H1-8: variants seen among roughly 807,000 people sequenced by gnomAD.
The protein encoded by H1-8 is H1.8 linker histone.
H1-8 carries 13 observed loss-of-function variants against 19.5 expected under a neutral mutation model. The ratio of observed to expected loss-of-function variants is 0.67; its 90% CI spans 0.43 to 1.06. The LOEUF (loss-of-function observed/expected upper bound fraction) is 1.06, where lower values mean the gene tolerates loss of function less well. Ranked by LOEUF, H1-8 falls within the 50% of genes least tolerant of loss-of-function variation. The probability of loss-of-function intolerance (pLI) is 0.00; values close to 1 mark genes in which losing one functional copy is unlikely to be tolerated. For synonymous variants in H1-8, 193 were observed against 187.6 expected (o/e 1.03, Z -0.24); for missense variants, 432 against 459.8 (o/e 0.94, Z 0.55).
chr3:129,544,070 T>A (rs1041486790), intron 1 of H1-8, among the ~76,000 whole-genome samples: 1 of 151,896 alleles, frequency 6.6e-6, no homozygotes, highest in African/African-American at 2.4e-5. Flanking sequence ...CCAAGGTGCA[T>A]TTTGAGCCTT....
At chr3:129,543,805 C>G (rs1202137698) in intron 1 of H1-8, among the ~76,000 whole-genome samples, 1 of 152,228 alleles carries the variant, frequency 6.6e-6, no homozygotes, top group East Asian at 1.9e-4. Context: ...GAAGCCTGGC[C>G]CATGGCTTGT....
In H1-8 at chr3:129,551,284, G is replaced by A. The variant is rs772425132; in HGVS notation, c.985G>A (p.Gly329Arg). ...TEAPKGPRKAGLPIKASSSKV... is the reference protein window; with the variant it reads ...TEAPKGPRKARLPIKASSSKV... ...GGCCCCCAAGGGCCCTAGAAAGGCT[G>A]GGCTGCCCATCAAGGCCTCATCATC... The change falls in exon 5 of 5, where the codon GGG becomes AGG. Residue 329 changes from glycine (G) to arginine (R), a missense_variant. Gly to Arg is a moderately radical substitution (Grantham distance 125). Transcript: ENST00000324382. 13 of 1,614,076 alleles carry A rather than the reference G, an allele frequency of 8.1e-6. No individual in the cohort carries two copies. In the South Asian group the frequency reaches 9.9e-5, roughly 12 times the overall value.
intron 1 of H1-8, 76 bp from the exon 2 acceptor site, chr3:129,547,315 A>AC (rs973459678): frequency 9.2e-6 from 13 of 1,407,046 alleles, no homozygotes; most frequent in African/African-American, 5.8e-5. Context: ...ACCCTCACCC[A>AC]CCCCCCACGG....
chr3:129,551,087 C>A lies in H1-8; in HGVS notation c.808-20C>A. 6.2e-7 allele frequency: 1 copy of A among 1,601,558 alleles called. No homozygotes were observed. The highest frequency in any genetic ancestry group is 1.1e-5 in the South Asian group (1 of 89,854). On this transcript the variant is annotated intron_variant, in intron 4 of 4. Transcript: ENST00000324382. The stretch of plus-strand genomic sequence containing the variant: ...AGCCCTTCCCAGCTGTCTCTTTGCT[C>A]CTGGTTTGCTTTCGTATAGGTCAAG...
chr3:129,549,469 A>G, intron 3 of H1-8, 105 bp downstream of exon 3: 2 of 1,320,944 alleles, frequency 1.5e-6, no homozygotes, highest in Non-Finnish European at 1.0e-6. Context: ...TATCTAGTGC[A>G]TGTGTCCTGA....
At position 129,549,220 on chromosome 3, in the gene H1-8, C is replaced by A. The variant is rs980092042; in HGVS notation, c.598C>A (p.Gln200Lys). 6.3e-7 allele frequency: 1 copy of A among 1,576,576 alleles called. No individual in the cohort carries two copies. The highest frequency in any genetic ancestry group is 1.9e-5 in the Admixed American group (1 of 52,156). Reference sequence around the variant, plus strand: ...CGCAGCCACAGAGAAGGCTCGCAAGCAAGGCGGCGCGGCCAAGGACACCAG... The same window carrying A: ...CGCAGCCACAGAGAAGGCTCGCAAGAAAGGCGGCGCGGCCAAGGACACCAG... Reference protein sequence around the residue: ...PGAATEKARKQGGAAKDTRAQ... With the variant: ...PGAATEKARKKGGAAKDTRAQ... Residue 200 changes from glutamine (Q) to lysine (K), a missense_variant, in exon 3 of 5, where the codon CAA becomes AAA. Gln to Lys is a moderately conservative substitution (Grantham distance 53, BLOSUM62 1). Transcript: ENST00000324382.
In H1-8 at chr3:129,550,802, C is replaced by A. The variant is rs1200693217; in HGVS notation, c.800C>A (p.Ala267Asp). ...GAGAGTAAGAGTTCAAAACCCACGG[C>A]CAGCAAGGTAGGTGCCTGCATGAAT... Reference protein sequence around the residue: ...KAESKSSKPTASKVKNGAASP... With the variant: ...KAESKSSKPTDSKVKNGAASP... The change falls in exon 4 of 5, where the codon GCC (alanine) becomes GAC (aspartate). Residue 267 changes from alanine (A) to aspartate (D), a missense_variant. Ala to Asp is a moderately radical substitution (Grantham distance 126). Transcript: ENST00000324382. 1.9e-6 allele frequency: 3 copies of A among 1,613,140 alleles called. No homozygotes were observed. Among genetic ancestry groups the A allele is most frequent in the Non-Finnish European group, 2.5e-6 (3 of 1,179,442 alleles).
rs748255843 is a variant in H1-8 at position 129,549,255 on chromosome 3, G to A, written c.633G>A (p.Ser211=). The A allele has an allele frequency of 1.3e-5, 21 of 1,591,508 alleles. No individual in the cohort carries two copies. The South Asian group carries it at 1.4e-4, about 10-fold the overall frequency. ...GGAAKDTRAQ[S]GEARKVPPKP... is the part of the protein sequence containing the mutation. ...CGGCCAAGGACACCAGGGCACAGTC[G>A]GGAGAGGCTAGGAAGGTGCCCCCCA... is the stretch of plus-strand genomic sequence containing the variant. The change falls in exon 3 of 5, where the codon TCG becomes TCA. Residue 211 remains serine, a synonymous_variant. Transcript: ENST00000324382.
In H1-8 at chr3:129,547,394, C is replaced by G. The variant is rs1310922903; in HGVS notation, c.92C>G (p.Pro31Arg). Residue 31 changes from proline to arginine, a missense_variant, in exon 2 of 5, where the codon CCG (proline) becomes CGG (arginine). Pro to Arg is a moderately radical substitution (Grantham distance 103). Transcript: ENST00000324382. ...ATGGCCTGCCATCTCTCCTCAGGCC[C>G]GAGCCACGGCGGTGTCCCACCAGGA... ...SRSPESEKPGPSHGGVPPGGP... is the reference protein window; with the variant it reads ...SRSPESEKPGRSHGGVPPGGP... 1 of 1,497,060 alleles carries G rather than the reference C, an allele frequency of 6.7e-7. No homozygotes were observed. The highest frequency in any genetic ancestry group is 8.9e-7 in the Non-Finnish European group (1 of 1,128,182). The allele number at this position is 1,497,060 out of a possible 1,614,324, so 92.7% of individuals were successfully genotyped here. A position where few individuals can be genotyped will look rare whatever the true frequency, so the allele number is the denominator to read the frequency against.
chr3:129,548,531 A>G (rs901375428), intron 2 of H1-8: 110 of 986,374 alleles, frequency 1.1e-4, no homozygotes, highest in Non-Finnish European at 1.3e-4. Context: ...CAGGAAAGAA[A>G]CAGCTTGCCA....
rs575993115 is a variant in H1-8, at chr3:129,546,732, C to T, written c.89-659C>T. ...CCTTTAGTCCATAGGGTGCCCCTCC[C>T]ACTTTTTCTTTCCCCCCTTATTTGT... On this transcript the variant is annotated intron_variant, in intron 1 of 4. Coordinates refer to ENST00000324382, the MANE Select transcript of H1-8 (RefSeq NM_153833.3). Among the ~76,000 whole-genome samples, 76 of 152,282 alleles carry T rather than the reference C, an allele frequency of 5.0e-4. No homozygotes were observed. The South Asian group carries it at 0.015, about 30-fold the overall frequency.
chr3:129,550,883 G>T, intron 4 of H1-8, 74 bp downstream of exon 4: 2 of 1,349,832 alleles, frequency 1.5e-6, no homozygotes, highest in Non-Finnish European at 1.0e-6. Context: ...CCCACACTCA[G>T]CCCCCGGAAG....
intron 3 of H1-8, among the ~76,000 whole-genome samples, chr3:129,549,717 G>A (rs926632247): frequency 1.3e-5 from 2 of 152,026 alleles, no homozygotes. Context: ...ACTTTGGGAG[G>A]CCAAGGCGGG....
At position 129,550,782 on chromosome 3, in the gene H1-8, T is replaced by TA; in HGVS notation, c.782dup (p.Ser262GlufsTer29). The TA allele has an allele frequency of 2.5e-6, 4 of 1,613,714 alleles. No homozygotes were observed. The highest frequency in any genetic ancestry group is 3.4e-6 in the Non-Finnish European group (4 of 1,179,874). On this transcript the variant is annotated frameshift_variant, in exon 4 of 5. Coordinates refer to ENST00000324382, the MANE Select transcript of H1-8 (RefSeq NM_153833.3). LOFTEE classifies it low-confidence loss of function (END_TRUNC). ...CCTACAGGAAAACCAAAGCTGAGAG[T>TA]AAGAGTTCAAAACCCACGGCCAGCA...
intron 2 of H1-8, 85 bp from the exon 3 acceptor site, chr3:129,548,916 G>A: frequency 6.7e-7 from 1 of 1,501,010 alleles, no homozygotes. Context: ...TTGGAACGAG[G>A]CCTCCCATTC....
chr3:129,545,913 T>C (rs2084882990), intron 1 of H1-8, among the ~76,000 whole-genome samples: 1 of 152,158 alleles, frequency 6.6e-6, no homozygotes, highest in Middle Eastern at 3.2e-3. Flanking sequence ...TACATTTTTG[T>C]GTGGACATGC....
Position 129,547,577 on chromosome 3 carries a change from G to C in H1-8, c.275G>C (p.Arg92Pro). 1.0e-5 allele frequency: 16 copies of C among 1,565,074 alleles called. No homozygotes were observed. The highest frequency in any genetic ancestry group is 1.4e-5 in the Non-Finnish European group (16 of 1,155,018). The stretch of plus-strand genomic sequence containing the variant: ...AAGTACCCAACAGTGGACGTCCTCC[G>C]CTTCAAGTACCTGCTGAAGCAGGCG... ...LHKYPTVDVL[R>P]FKYLLKQALA... The change falls in exon 2 of 5, where the codon CGC (arginine) becomes CCC (proline). Residue 92 changes from arginine to proline, a missense_variant. Physicochemically the swap from Arg to Pro is moderately radical, Grantham distance 103. Transcript: ENST00000324382.
chr3:129,544,297 A>G (rs1872111), intron 1 of H1-8, among the ~76,000 whole-genome samples: 17,513 of 151,964 alleles, frequency 0.12, 1,128 homozygotes, highest in African/African-American at 0.16. Flanking sequence ...TATCTTGAAC[A>G]GGGAGCCATG....
At position 129,551,176 on chromosome 3, in the gene H1-8, C is replaced by T; in HGVS notation, c.877C>T (p.Gln293Ter). 1 of 1,614,248 alleles carries T rather than the reference C, an allele frequency of 6.2e-7. No homozygotes were observed. Among genetic ancestry groups the T allele is most frequent in the Non-Finnish European group, 8.5e-7 (1 of 1,180,048 alleles). ...CAAGGCCAAGGCCCCTAAAGCTGGGCAGGGGCCAAACACCAAGGCTGCTGC... is the reference window on the plus strand; with the variant it reads ...CAAGGCCAAGGCCCCTAAAGCTGGGTAGGGGCCAAACACCAAGGCTGCTGC... Reference protein sequence around the residue: ...VAKAKAPKAGQGPNTKAAAPA... With the variant: ...VAKAKAPKAG The change falls in exon 5 of 5, where the codon CAG becomes TAG. Residue 293 changes from glutamine (Q) to a stop codon, truncating the protein, a stop_gained. Coordinates refer to ENST00000324382, the MANE Select transcript of H1-8 (RefSeq NM_153833.3). LOFTEE classifies it low-confidence loss of function (END_TRUNC).
Sources: allele counts gnomAD v4.1 joint callset (sites outside exome capture counted in the v4.1 genomes callset), GRCh38; gene constraint gnomAD v4.1.1; transcripts MANE v1.5; gene names NCBI Gene and HGNC (gene_info 2026-07-23, HGNC 2026-07-21).